The following TENM2 variants were observed in gnomAD, a reference collection of about 807,000 sequenced individuals.
TENM2 encodes the protein teneurin-2.
A neutral mutation model predicts 245.2 loss-of-function variants in TENM2; 52 were observed. The observed-to-expected ratio is 0.21, with a 90% CI of 0.17 to 0.27. TENM2 has a LOEUF of 0.27. Ranked by LOEUF, TENM2 falls within the 10% of genes least tolerant of loss-of-function variation. The pLI, the probability that TENM2 is intolerant of heterozygous loss-of-function variation, is 1.00. For missense variants in TENM2, 3,046 were observed against 3,666.8 expected, an observed-to-expected ratio of 0.83 and a Z score of 4.37; for synonymous variants, 1,363 against 1,438.9, an observed-to-expected ratio of 0.95 and a Z score of 1.19.
chr5:168,243,050 G>A (rs1229370662), intron 25 of TENM2, among the ~76,000 whole-genome samples: 5 of 152,130 alleles, frequency 3.3e-5, no homozygotes, highest in Non-Finnish European at 7.3e-5. Context: ...GGTAAAGTGA[G>A]GAGGTACCAG....
At chr5:167,956,026 A>T (rs1230138680) in intron 4 of TENM2, among the ~76,000 whole-genome samples, 1 of 152,198 alleles carries the variant, frequency 6.6e-6, no homozygotes. Context: ...TGGTAGCTTG[A>T]TGGGGATAGC....
intron 1 of TENM2, among the ~76,000 whole-genome samples, chr5:167,356,910 TA>T (rs1396527329): frequency 6.6e-6 from 1 of 151,674 alleles, no homozygotes; most frequent in Non-Finnish European, 1.5e-5. Context: ...TTTTGTATAT[TA>T]AAACATTCTC....
At chr5:167,867,426 G>T (rs953701214) in intron 2 of TENM2, among the ~76,000 whole-genome samples, 1 of 152,160 alleles carries the variant, frequency 6.6e-6, no homozygotes, top group Non-Finnish European at 1.5e-5. Context: ...TCATGCTTGA[G>T]CTCCTCCTGC....
chr5:168,012,695 A>G (rs530731830), intron 5 of TENM2, among the ~76,000 whole-genome samples: 74 of 149,350 alleles, frequency 5.0e-4, no homozygotes, highest in African/African-American at 1.5e-3. Context: ...GGGCAATTCC[A>G]AAGTCCTTCT....
intron 2 of TENM2, among the ~76,000 whole-genome samples, chr5:167,384,459 G>C (rs986429120): frequency 6.6e-6 from 1 of 152,136 alleles, no homozygotes; most frequent in Non-Finnish European, 1.5e-5. Flanking sequence ...ACACTTTCTA[G>C]TCTAGAAAAA....
the TENM2 span, among the ~76,000 whole-genome samples, chr5:167,146,314 G>A: frequency 3.2e-3 from 493 of 152,264 alleles, no homozygotes; most frequent in Non-Finnish European, 5.3e-3. Context: ...ACATTGCCCC[G>A]GGTGATCGCT....
chr5:167,978,709 TTAAA>T (rs922654555), intron 4 of TENM2, among the ~76,000 whole-genome samples: 2 of 152,158 alleles, frequency 1.3e-5, no homozygotes, highest in Non-Finnish European at 2.9e-5. Context: ...GTTTTGGAAC[TTAAA>T]TAGAGGCAGA....
At chr5:168,041,932 G>T (rs1788225874) in intron 5 of TENM2, among the ~76,000 whole-genome samples, 1 of 152,222 alleles carries the variant, frequency 6.6e-6, no homozygotes, top group African/African-American at 2.4e-5. Context: ...GCCTTTGCAG[G>T]TTGCCTATGC....
the TENM2 span, among the ~76,000 whole-genome samples, chr5:167,189,488 T>A: frequency 6.6e-6 from 1 of 152,042 alleles, no homozygotes; most frequent in South Asian, 2.1e-4. Flanking sequence ...TTTTCTTTTC[T>A]TTTTCCTTCC....
At chr5:167,845,023 G>C (rs1317075019) in intron 2 of TENM2, among the ~76,000 whole-genome samples, 1 of 151,962 alleles carries the variant, frequency 6.6e-6, no homozygotes, top group East Asian at 1.9e-4. Flanking sequence ...CTCTCTGTAA[G>C]ATGCACTGTA....
intron 2 of TENM2, among the ~76,000 whole-genome samples, chr5:167,445,557 G>T (rs1340589659): frequency 6.6e-6 from 1 of 152,050 alleles, no homozygotes; most frequent in African/African-American, 2.4e-5. Context: ...ACTAAAAATT[G>T]TTTTAAATGG....
At chr5:168,178,786 CGA>C (rs1759585096) in intron 13 of TENM2, among the ~76,000 whole-genome samples, 1 of 152,146 alleles carries the variant, frequency 6.6e-6, no homozygotes, top group Non-Finnish European at 1.5e-5. Context: ...TGTGAAAAAC[CGA>C]GAACAGAAGT....
chr5:168,246,862 T>A (rs1387396223), exon 27 of TENM2: 1 of 1,613,870 alleles, frequency 6.2e-7, no homozygotes, highest in African/African-American at 1.3e-5. Context: ...GCACAGCATG[T>A]CCACACACAC....
Position 168,162,771 on chromosome 5 carries a change from T to TC in TENM2, c.2569+14_2569+15insC. ...ATAATGAGGGAGGTGAGCACGCGTC[T>TC]TCTCATTCCCAGCCCCTAAGAGCAG... On this transcript the variant is annotated intron_variant, in intron 13 of 28. Transcript: ENST00000518659. 6.2e-7 allele frequency: 1 copy of TC among 1,613,118 alleles called. No individual in the cohort carries two copies. Among genetic ancestry groups the TC allele is most frequent in the South Asian group, 1.1e-5 (1 of 91,026 alleles).
chr5:168,122,722 T>C (rs1290881266), intron 10 of TENM2, among the ~76,000 whole-genome samples: 5 of 152,138 alleles, frequency 3.3e-5, no homozygotes. Context: ...CTGATTTTTT[T>C]TTAATCACTG....
the TENM2 span, among the ~76,000 whole-genome samples, chr5:167,190,484 A>G: frequency 0.68 from 103,000 of 151,832 alleles, 36,805 homozygotes; most frequent in African/African-American, 0.9. Flanking sequence ...TATGTTTGGA[A>G]CCTTGAAAAC....
chr5:167,665,972 G>C (rs760515573), intron 2 of TENM2, among the ~76,000 whole-genome samples: 7 of 152,180 alleles, frequency 4.6e-5, no homozygotes, highest in Admixed American at 3.9e-4. Flanking sequence ...TTCCACTTCA[G>C]TAACCTCTGA....
At chr5:167,456,459 C>A (rs1365146443) in intron 2 of TENM2, among the ~76,000 whole-genome samples, 1 of 152,110 alleles carries the variant, frequency 6.6e-6, no homozygotes, top group Non-Finnish European at 1.5e-5. Flanking sequence ...AAGTCCATTT[C>A]TTGTTGCTAT....
At chr5:167,839,976 C>T (rs548109793) in intron 2 of TENM2, among the ~76,000 whole-genome samples, 2 of 152,178 alleles carry the variant, frequency 1.3e-5, no homozygotes, top group African/African-American at 4.8e-5. Flanking sequence ...CGCCACCACG[C>T]CCTGCTAAAT....
Sources: gnomAD v4.1 joint callset for allele counts (sites outside exome capture counted in the v4.1 genomes callset) on GRCh38, gnomAD v4.1.1 for gene constraint, MANE v1.5 for transcripts, NCBI Gene and HGNC (gene_info 2026-07-23, HGNC 2026-07-21) for gene names.